SYT16: variants seen among roughly 807,000 people sequenced by gnomAD.
The protein encoded by SYT16 is synaptotagmin 16, also known as synaptotagmin-16.
In SYT16, 42 loss-of-function variants were observed where a neutral mutation model predicts 61.4. The observed-to-expected ratio is 0.68, with a 90% CI of 0.53 to 0.89. The LOEUF (loss-of-function observed/expected upper bound fraction) is 0.89. Ranked by LOEUF, SYT16 falls within the 40% of genes least tolerant of loss-of-function variation. The probability of loss-of-function intolerance (pLI) is 0.00; values close to 1 mark genes in which losing one functional copy is unlikely to be tolerated. For missense variants in SYT16, 804 were observed against 807.3 expected, an observed-to-expected ratio of 1.00 and a Z score of 0.05; for synonymous variants, 314 against 302.3, an observed-to-expected ratio of 1.04 and a Z score of -0.40.
intron 1 of SYT16, among the ~76,000 whole-genome samples, chr14:61,948,466 G>A (rs1198241046): frequency 1.3e-5 from 2 of 152,020 alleles, no homozygotes; most frequent in Non-Finnish European, 2.9e-5. Flanking sequence ...CCTGAAACTG[G>A]AGGCTTTCAC....
At chr14:61,977,889 C>G (rs1012174889) in intron 2 of SYT16, among the ~76,000 whole-genome samples, 11 of 152,116 alleles carry the variant, frequency 7.2e-5, no homozygotes, top group Admixed American at 2.0e-4. Flanking sequence ...ATTCTGGAGA[C>G]CCATATTCTG....
intron 1 of SYT16, among the ~76,000 whole-genome samples, chr14:61,888,299 G>A (rs1046688308): frequency 6.6e-6 from 1 of 151,888 alleles, no homozygotes; most frequent in African/African-American, 2.4e-5. Context: ...TATATTTTTA[G>A]TAGAGACAGG....
At chr14:62,084,156 A>G (rs1326671444) in intron 6 of SYT16, 40 bp from the exon 7 acceptor site, 1 of 1,599,296 alleles carries the variant, frequency 6.3e-7, no homozygotes, top group Non-Finnish European at 8.5e-7. Flanking sequence ...AGAGTAGTGC[A>G]GCGTGGGCCA....
intron 1 of SYT16, among the ~76,000 whole-genome samples, chr14:61,892,871 AC>A (rs1368476555): frequency 6.6e-6 from 1 of 150,810 alleles, no homozygotes; most frequent in Non-Finnish European, 1.5e-5. Context: ...GTAACAAACA[AC>A]CCCCACATCT....
chr14:62,006,454 A>T (rs1313239385), intron 3 of SYT16, among the ~76,000 whole-genome samples: 1 of 152,126 alleles, frequency 6.6e-6, no homozygotes, highest in Non-Finnish European at 1.5e-5. Context: ...TCTTGATTTT[A>T]TGTTTCTTAA....
At chr14:61,828,054 G>T (rs1049828905) in intron 1 of SYT16, among the ~76,000 whole-genome samples, 4 of 152,202 alleles carry the variant, frequency 2.6e-5, no homozygotes, top group African/African-American at 9.7e-5. Flanking sequence ...TAGTGTCATT[G>T]TAAGAAGAGG....
chr14:61,862,156 G>A (rs1320726565), intron 1 of SYT16, among the ~76,000 whole-genome samples: 1 of 152,186 alleles, frequency 6.6e-6, no homozygotes, highest in Non-Finnish European at 1.5e-5. Flanking sequence ...CCAGTTTTAA[G>A]TGTACCATCC....
intron 1 of SYT16, among the ~76,000 whole-genome samples, chr14:61,843,422 A>T (rs964441520): frequency 1.3e-5 from 2 of 152,130 alleles, no homozygotes; most frequent in African/African-American, 4.8e-5. Flanking sequence ...AATCCCATTT[A>T]TCCATTTTTG....
At chr14:61,979,666 G>A (rs910500519) in intron 2 of SYT16, among the ~76,000 whole-genome samples, 15 of 152,056 alleles carry the variant, frequency 9.9e-5, no homozygotes, top group Admixed American at 1.3e-4. Flanking sequence ...GGTGGATCAC[G>A]AGGTCAAGAG....
chr14:62,003,669 C>A (rs1018085949), intron 3 of SYT16, among the ~76,000 whole-genome samples: 1 of 152,016 alleles, frequency 6.6e-6, no homozygotes, highest in Admixed American at 6.6e-5. Context: ...CTTAACACTA[C>A]ACTGTGAAAT....
intron 3 of SYT16, among the ~76,000 whole-genome samples, chr14:62,016,120 C>T (rs1314540435): frequency 6.6e-6 from 1 of 152,110 alleles, no homozygotes; most frequent in Admixed American, 6.5e-5. Flanking sequence ...GTTCTGGCAA[C>T]ACCTCCTGAG....
intron 1 of SYT16, among the ~76,000 whole-genome samples, chr14:61,924,867 A>G (rs986049345): frequency 1.4e-4 from 22 of 152,212 alleles, no homozygotes; most frequent in African/African-American, 5.3e-4. Context: ...TTATTTCTCT[A>G]TCATGTAAGC....
intron 1 of SYT16, among the ~76,000 whole-genome samples, chr14:61,948,009 A>G (rs1028153681): frequency 6.6e-6 from 1 of 152,222 alleles, no homozygotes; most frequent in African/African-American, 2.4e-5. Flanking sequence ...TGGTGAGGCT[A>G]AGCATAAAGT....
chr14:62,020,883 G>T (rs2053883507), intron 3 of SYT16, among the ~76,000 whole-genome samples: 1 of 152,178 alleles, frequency 6.6e-6, no homozygotes, highest in Non-Finnish European at 1.5e-5. Flanking sequence ...GATGCAGGTG[G>T]CTTGAGAAAG....
At chr14:62,057,093 C>T (rs187201527) in intron 3 of SYT16, among the ~76,000 whole-genome samples, 73 of 152,318 alleles carry the variant, frequency 4.8e-4, no homozygotes, top group African/African-American at 1.4e-3. Context: ...CCCAGTTCTG[C>T]CTGCTTTTTA....
rs577669362 is a variant in SYT16, at chr14:61,830,020, G to T, written c.-325+17210G>T. Among the ~76,000 whole-genome samples the T allele has an allele frequency of 1.1e-4, 16 of 151,650 alleles. No individual in the cohort carries two copies. In the South Asian group the frequency reaches 3.3e-3, roughly 32 times the overall value. Reference sequence around the variant, plus strand: ...CAATTCTCTTCTGCCACTGAGCCCAGCTAGTGAGTTAAAAAAAAAATTAAG... The same window carrying T: ...CAATTCTCTTCTGCCACTGAGCCCATCTAGTGAGTTAAAAAAAAAATTAAG... On this transcript the variant is annotated intron_variant, in intron 1 of 7. Coordinates refer to ENST00000683842, the MANE Select transcript of SYT16 (RefSeq NM_001367656.1).
chr14:61,814,462 A>C (rs1300081667), intron 1 of SYT16, among the ~76,000 whole-genome samples: 1 of 152,192 alleles, frequency 6.6e-6, no homozygotes. Context: ...TCTGCTATTT[A>C]CTTTCTTATG....
intron 1 of SYT16, among the ~76,000 whole-genome samples, chr14:61,901,660 T>C (rs986723664): frequency 3.9e-5 from 6 of 151,928 alleles, no homozygotes; most frequent in Non-Finnish European, 8.8e-5. Flanking sequence ...TAACTGGTCT[T>C]CATCTTTCAA....
At chr14:62,054,363 T>G (rs796208414) in intron 3 of SYT16, among the ~76,000 whole-genome samples, 8,146 of 129,298 alleles carry the variant, frequency 0.063, 747 homozygotes, top group African/African-American at 0.2. Flanking sequence ...GAAGTGAGTT[T>G]TTTTTTTTTT....
Sources: allele counts gnomAD v4.1 joint callset (sites outside exome capture counted in the v4.1 genomes callset), GRCh38; gene constraint gnomAD v4.1.1; transcripts MANE v1.5; gene names NCBI Gene and HGNC (gene_info 2026-07-23, HGNC 2026-07-21).